IL19: variants seen among roughly 807,000 people sequenced by gnomAD.
The protein encoded by IL19 is interleukin 19.
Under a neutral mutation model 19.5 loss-of-function variants are expected in IL19, and 15 were observed. That is an observed-to-expected ratio of 0.77 (90% CI 0.52 to 1.19). The LOEUF (loss-of-function observed/expected upper bound fraction) is 1.19. Among genes scored for constraint, IL19 ranks in the 50% most tolerant of loss-of-function variants. The pLI, the probability that IL19 is intolerant of heterozygous loss-of-function variation, is 0.00. For synonymous variants in IL19, 78 were observed against 78.3 expected, an observed-to-expected ratio of 1.00 and a Z score of 0.02; for missense variants, 199 against 213.1, an observed-to-expected ratio of 0.93 and a Z score of 0.41.
intron 1 of IL19, among the ~76,000 whole-genome samples, chr1:206,793,279 G>A (rs1435310795): frequency 6.6e-6 from 1 of 152,228 alleles, no homozygotes; most frequent in Admixed American, 6.5e-5. Flanking sequence ...GGGGGTAACA[G>A]TTTTAAAAAT....
At chr1:206,837,354 G>C (rs1255269830) in intron 4 of IL19, among the ~76,000 whole-genome samples, 1 of 152,126 alleles carries the variant, frequency 6.6e-6, no homozygotes, top group Non-Finnish European at 1.5e-5. Context: ...ACCCGAGGAG[G>C]TTGTAGATCA....
intron 1 of IL19, among the ~76,000 whole-genome samples, chr1:206,786,111 C>T (rs1023117859): frequency 3.9e-5 from 6 of 152,060 alleles, no homozygotes; most frequent in African/African-American, 1.2e-4. Context: ...ATCCAGAATC[C>T]CATGTACATC....
rs549248212 is a variant in IL19, at chr1:206,808,186, C to A, written c.-3+9180C>A. Among the ~76,000 whole-genome samples the A allele has an allele frequency of 2.6e-5, 4 of 152,314 alleles. No homozygotes were observed. In the East Asian group the frequency reaches 7.7e-4, roughly 29 times the overall value. On this transcript the variant is annotated intron_variant, in intron 2 of 6. Transcript: ENST00000659997. ...TCTCTACTAAAAATACAAAAATTAG[C>A]CAGGTGTGGTGATATATGCCTGTAA...
At chr1:206,825,531 A>T (rs1676405600) in intron 2 of IL19, among the ~76,000 whole-genome samples, 1 of 152,236 alleles carries the variant, frequency 6.6e-6, no homozygotes, top group East Asian at 1.9e-4. Flanking sequence ...TCAACTCTTC[A>T]GTAGCCAGGA....
At chr1:206,809,256 C>G (rs1198321318) in intron 2 of IL19, among the ~76,000 whole-genome samples, 2 of 152,190 alleles carry the variant, frequency 1.3e-5, no homozygotes, top group Non-Finnish European at 1.5e-5. Context: ...TAAGACTGCT[C>G]TCATCTGAAA....
At chr1:206,775,959 G>T (rs1363014558) in intron 1 of IL19, among the ~76,000 whole-genome samples, 2 of 152,212 alleles carry the variant, frequency 1.3e-5, no homozygotes, top group African/African-American at 4.8e-5. Flanking sequence ...AGTCCAGTTT[G>T]CCCTCAAGCC....
chr1:206,834,626 A>G (rs756894965), intron 2 of IL19, among the ~76,000 whole-genome samples: 2 of 152,232 alleles, frequency 1.3e-5, no homozygotes, highest in Non-Finnish European at 2.9e-5. Flanking sequence ...GAGTGAAGGA[A>G]GGAAAGGTCA....
chr1:206,806,944 TA>T (rs1315963728), intron 2 of IL19, among the ~76,000 whole-genome samples: 1 of 152,312 alleles, frequency 6.6e-6, no homozygotes, highest in Admixed American at 6.5e-5. Context: ...CCCACTGCTA[TA>T]AAAACATACC....
intron 1 of IL19, among the ~76,000 whole-genome samples, chr1:206,794,750 C>T (rs1028656618): frequency 2.6e-5 from 4 of 152,124 alleles, no homozygotes; most frequent in African/African-American, 9.7e-5. Context: ...GGGAAACCAT[C>T]TGGGGCACTT....
chr1:206,777,822 T>A (rs553816764), intron 1 of IL19, among the ~76,000 whole-genome samples: 26 of 152,232 alleles, frequency 1.7e-4, no homozygotes, highest in Non-Finnish European at 3.1e-4. Flanking sequence ...ACATTTAGTG[T>A]GTAAAATAGC....
In IL19 at chr1:206,836,703, T is replaced by C; in HGVS notation, c.41T>C (p.Ile14Thr). 6.2e-7 allele frequency: 1 copy of C among 1,613,924 alleles called. No homozygotes were observed. Among genetic ancestry groups the C allele is most frequent in the Non-Finnish European group, 8.5e-7 (1 of 1,179,850 alleles). ...GTTTCCCTTTGGCTCCTGGGTACAA[T>C]ACTGATATTGTGCTCAGTAGACAAC... ...QCVSLWLLGT[I>T]LILCSVDNHG... Residue 14 changes from isoleucine to threonine, a missense_variant, in exon 3 of 7, where the codon ATA becomes ACA. Ile to Thr is a moderately conservative substitution (Grantham distance 89). Coordinates refer to ENST00000659997, the MANE Select transcript of IL19 (RefSeq NM_153758.5).
intron 2 of IL19, among the ~76,000 whole-genome samples, chr1:206,813,834 G>A (rs1415257294): frequency 1.3e-5 from 2 of 152,122 alleles, no homozygotes; most frequent in African/African-American, 2.4e-5. Context: ...AAAGGAGATG[G>A]CCCTCAATAG....
intron 2 of IL19, among the ~76,000 whole-genome samples, chr1:206,826,999 T>C (rs1011445642): frequency 1.4e-4 from 22 of 152,216 alleles, no homozygotes; most frequent in African/African-American, 5.1e-4. Flanking sequence ...ACAATGTGGG[T>C]GACACATTGC....
intron 1 of IL19, chr1:206,771,482 A>T: frequency 7.8e-7 from 1 of 1,278,976 alleles, no homozygotes; most frequent in Non-Finnish European, 1.1e-6. Flanking sequence ...GGTCTTTTTG[A>T]TGCCCTTTCA....
Position 206,799,107 on chromosome 1 carries a change from A to G in IL19, c.-3+101A>G, listed in dbSNP as rs1043760284. On this transcript the variant is annotated intron_variant, in intron 2 of 6. Transcript: ENST00000659997. Reference sequence around the variant, plus strand: ...ACTCTGGAAGACTGGGTTTTCAGACACCTATGAACTGACAGGACTGCCTTT... The same window carrying G: ...ACTCTGGAAGACTGGGTTTTCAGACGCCTATGAACTGACAGGACTGCCTTT... The G allele has an allele frequency of 1.1e-5, 9 of 806,684 alleles. No individual in the cohort carries two copies. The African/African-American group carries it at 1.2e-4, about 11-fold the overall frequency. The allele number at this position is 806,684 out of a possible 1,614,324, so 50.0% of individuals were successfully genotyped here.
chr1:206,778,188 C>A (rs188437458), intron 1 of IL19, among the ~76,000 whole-genome samples: 83 of 152,294 alleles, frequency 5.4e-4, no homozygotes, highest in African/African-American at 3.6e-4. Flanking sequence ...CACAGATGAG[C>A]GGAAGGGCTG....
intron 1 of IL19, chr1:206,771,532 C>A: frequency 6.2e-6 from 5 of 801,752 alleles, no homozygotes; most frequent in African/African-American, 1.7e-5. Flanking sequence ...GGCTCTGGCC[C>A]AAAAAAATCA....
At chr1:206,821,194 C>T (rs868683399) in intron 2 of IL19, among the ~76,000 whole-genome samples, 8 of 152,342 alleles carry the variant, frequency 5.3e-5, no homozygotes, top group South Asian at 2.1e-4. Context: ...GGTGCTCAAT[C>T]TGTTGAATCA....
At chr1:206,781,728 C>T (rs930533767) in intron 1 of IL19, among the ~76,000 whole-genome samples, 6 of 151,386 alleles carry the variant, frequency 4.0e-5, no homozygotes, top group South Asian at 2.1e-4. Flanking sequence ...CGAGCAACTG[C>T]GTCCAGCCTT....
Sources: allele counts gnomAD v4.1 joint callset (sites outside exome capture counted in the v4.1 genomes callset), GRCh38; gene constraint gnomAD v4.1.1; transcripts MANE v1.5; gene names NCBI Gene and HGNC (gene_info 2026-07-23, HGNC 2026-07-21).